Variants in CPA3 observed in about 807,000 individuals in gnomAD.
The protein encoded by CPA3 is carboxypeptidase A3.
Under a neutral mutation model 55.8 loss-of-function variants are expected in CPA3, and 52 were observed. The ratio of observed to expected loss-of-function variants is 0.93; its 90% confidence interval spans 0.75 to 1.17. The LOEUF is 1.17. CPA3 is among the 50% of genes most tolerant of loss of function. CPA3 has a pLI of 0.00. For missense variants in CPA3, 547 were observed against 509.1 expected, an observed-to-expected ratio of 1.07 and a Z score of -0.72; for synonymous variants, 179 against 171.2, an observed-to-expected ratio of 1.05 and a Z score of -0.36.
chr3:148,890,102 G>C (rs1714629824), intron 10 of CPA3, among the ~76,000 whole-genome samples: 1 of 151,602 alleles, frequency 6.6e-6, no homozygotes, highest in South Asian at 2.1e-4. Flanking sequence ...ATCACTTTAG[G>C]GCAGAAGAAA....
intron 3 of CPA3, chr3:148,870,092 CAAAAAAAAAAAAAA>C (rs66460704): frequency 3.2e-5 from 2 of 63,474 alleles, no homozygotes; most frequent in African/African-American, 1.2e-4. Context: ...GACTCCATCT[CAAAAAAAAAAAAAA>C]AAAAAAAAAA....
At chr3:148,869,147 C>T (rs1016268839) in intron 3 of CPA3, 108 bp downstream of exon 3, 15 of 1,248,952 alleles carry the variant, frequency 1.2e-5, no homozygotes, top group East Asian at 7.4e-5. Flanking sequence ...CCCCCCAGAA[C>T]GAAAGCTCTT....
intron 9 of CPA3, among the ~76,000 whole-genome samples, chr3:148,885,104 C>A (rs925430266): frequency 1.3e-5 from 2 of 152,026 alleles, no homozygotes; most frequent in South Asian, 4.2e-4. Flanking sequence ...GAAAGAGACA[C>A]CCTAATTAAC....
At chr3:148,879,674 T>C in intron 5 of CPA3, 114 bp from the exon 6 acceptor site, 1 of 704,052 alleles carries the variant, frequency 1.4e-6, no homozygotes, top group South Asian at 1.7e-5. Flanking sequence ...ATGGTTCTCA[T>C]TCAACAATAG....
In CPA3 at chr3:148,882,871, A is replaced by G. The variant is rs1025790689; in HGVS notation, c.778+276A>G. Among the ~76,000 whole-genome samples the G allele has an allele frequency of 1.1e-4, 17 of 152,290 alleles. 1 individual carries two copies. The highest frequency in any genetic ancestry group is 4.1e-4 in the African/African-American group (17 of 41,560). On this transcript the variant is annotated intron_variant, in intron 8 of 10. Coordinates refer to ENST00000296046, the MANE Select transcript of CPA3 (RefSeq NM_001870.4). ...ACAATCCAAATGTATAAAAATTCAGATAATCTGAATAAAGACCTCAGATTC... is the reference window on the plus strand; with the variant it reads ...ACAATCCAAATGTATAAAAATTCAGGTAATCTGAATAAAGACCTCAGATTC...
intron 2 of CPA3, among the ~76,000 whole-genome samples, chr3:148,867,137 T>C (rs1289572039): frequency 1.3e-5 from 2 of 152,130 alleles, no homozygotes; most frequent in African/African-American, 4.8e-5. Context: ...AATATCCTGC[T>C]CCTCCACCTT....
chr3:148,876,459 C>A (rs1169762440), intron 3 of CPA3, among the ~76,000 whole-genome samples: 1 of 151,902 alleles, frequency 6.6e-6, no homozygotes, highest in Non-Finnish European at 1.5e-5. Flanking sequence ...TCACTGCAAC[C>A]TCCACCTCCT....
At chr3:148,886,313 C>G (rs1428861715) in intron 10 of CPA3, 136 bp downstream of exon 10, 1 of 628,222 alleles carries the variant, frequency 1.6e-6, no homozygotes, top group East Asian at 2.8e-5. Flanking sequence ...ACAGGATATT[C>G]TGAATTATAC....
Position 148,880,007 on chromosome 3 carries a change from T to C in CPA3, c.576+118T>C, listed in dbSNP as rs1416488793. ...CTTAGCTAGAAGAGCCCATACTTGG[T>C]GCTGTCAGGGAAGAAACGCTCTGAA... On this transcript the variant is annotated intron_variant, in intron 6 of 10. Transcript: ENST00000296046. 19 of 650,754 alleles carry C rather than the reference T, an allele frequency of 2.9e-5. No homozygotes were observed. The East Asian group carries it at 5.0e-4, about 17-fold the overall frequency. 40.3% of individuals were successfully genotyped at this position (650,754 alleles called of 1,614,324 possible). A position where few individuals can be genotyped will look rare whatever the true frequency, so the allele number is the denominator to read the frequency against.
In CPA3 at chr3:148,886,885, A is replaced by T. The variant is rs76272816; in HGVS notation, c.1066+708A>T. ...CTCCTCTGGTCGTGTAAAACAAGTT[A>T]TCTCTCCTTCTCACTTGCTCCTTCT... On this transcript the variant is annotated intron_variant, in intron 10 of 10. Transcript: ENST00000296046. Among the ~76,000 whole-genome samples the T allele has an allele frequency of 9.1e-3, 1,381 of 152,288 alleles. 27 individuals are homozygous for T. The highest frequency in any genetic ancestry group is 0.032 in the African/African-American group (1,331 of 41,542).
chr3:148,867,282 C>G (rs1271259751), intron 2 of CPA3, among the ~76,000 whole-genome samples: 1 of 152,236 alleles, frequency 6.6e-6, no homozygotes, highest in Non-Finnish European at 1.5e-5. Context: ...CCAACTCAGG[C>G]AGTGTCTCCT....
intron 2 of CPA3, among the ~76,000 whole-genome samples, chr3:148,868,003 C>A (rs991541723): frequency 6.6e-6 from 1 of 152,222 alleles, no homozygotes; most frequent in Non-Finnish European, 1.5e-5. Context: ...TCAAGCAATT[C>A]TCCTGCATCA....
intron 2 of CPA3, among the ~76,000 whole-genome samples, chr3:148,866,090 C>T (rs1713893374): frequency 6.6e-6 from 1 of 152,212 alleles, no homozygotes; most frequent in African/African-American, 2.4e-5. Flanking sequence ...CACCAGCCAC[C>T]TTATATATGC....
chr3:148,878,017 A>G (rs2108033066), intron 3 of CPA3, among the ~76,000 whole-genome samples: 1 of 152,350 alleles, frequency 6.6e-6, no homozygotes, highest in Middle Eastern at 3.4e-3. Flanking sequence ...AAAAGTAAAA[A>G]GCAACAGGTA....
At position 148,884,886 on chromosome 3, in the gene CPA3, T is replaced by C. The variant is rs112761893; in HGVS notation, c.981+1071T>C. On this transcript the variant is annotated intron_variant, in intron 9 of 10. Coordinates refer to ENST00000296046, the MANE Select transcript of CPA3 (RefSeq NM_001870.4). ...ATATCCACAAAAAAAAAAACCACTTTGAGTAAAATGAGAGTTCTTGCATAG... is the reference window on the plus strand; with the variant it reads ...ATATCCACAAAAAAAAAAACCACTTCGAGTAAAATGAGAGTTCTTGCATAG... Among the ~76,000 whole-genome samples the C allele has an allele frequency of 1.5e-3, 224 of 152,186 alleles. 1 individual carries two copies. Among genetic ancestry groups the C allele is most frequent in the Admixed American group, 3.3e-3 (50 of 15,276 alleles).
At chr3:148,878,360 A>G (rs1714265259) in intron 3 of CPA3, 81 bp from the exon 4 acceptor site, 1 of 997,746 alleles carries the variant, frequency 1.0e-6, no homozygotes, top group African/African-American at 1.6e-5. Flanking sequence ...GAGAAGGAAG[A>G]GAAATTTCTG....
At chr3:148,886,257 A>G in intron 10 of CPA3, 80 bp downstream of exon 10, 1 of 1,012,428 alleles carries the variant, frequency 9.9e-7, no homozygotes. Flanking sequence ...GGAATTTGCA[A>G]TTTAGGTTAG....
chr3:148,891,023 G>T (rs560812584), intron 10 of CPA3, among the ~76,000 whole-genome samples: 1 of 152,296 alleles, frequency 6.6e-6, no homozygotes, highest in African/African-American at 2.4e-5. Flanking sequence ...ACAGTACAAT[G>T]ATTAACAACA....
intron 10 of CPA3, among the ~76,000 whole-genome samples, chr3:148,895,806 C>CA (rs555673620): frequency 4.2e-4 from 63 of 151,672 alleles, no homozygotes; most frequent in African/African-American, 1.2e-3. Flanking sequence ...CCTTCACATA[C>CA]AAAAAAAACC....
Sources: allele counts gnomAD v4.1 joint callset (sites outside exome capture counted in the v4.1 genomes callset), GRCh38; gene constraint gnomAD v4.1.1; transcripts MANE v1.5; gene names NCBI Gene and HGNC (gene_info 2026-07-23, HGNC 2026-07-21).